SLC22A24: variants seen among roughly 807,000 people sequenced by gnomAD.
SLC22A24 encodes solute carrier family 22 member 24.
Under a neutral mutation model 49.8 loss-of-function variants are expected in SLC22A24, and 53 were observed. The observed-to-expected ratio is 1.06, with a 90% confidence interval of 0.85 to 1.34. The LOEUF (loss-of-function observed/expected upper bound fraction) is 1.34. Ranked by LOEUF, SLC22A24 falls within the 40% of genes most tolerant of loss-of-function variation. The probability of loss-of-function intolerance (pLI) is 0.00; values close to 1 mark genes in which losing one functional copy is unlikely to be tolerated. For missense variants in SLC22A24, 786 were observed against 675.9 expected (o/e 1.16, Z -1.81); for synonymous variants, 302 against 256.4 (o/e 1.18, Z -1.70).
At chr11:63,119,946 T>TCCC (rs2087239560) in intron 2 of SLC22A24, among the ~76,000 whole-genome samples, 1 of 152,038 alleles carries the variant, frequency 6.6e-6, no homozygotes, top group Non-Finnish European at 1.5e-5. Flanking sequence ...TTCATGTCCT[T>TCCC]CGCCCACTTT....
chr11:63,116,406 A>T (rs1251385744), intron 4 of SLC22A24: 1 of 168,754 alleles, frequency 5.9e-6, no homozygotes, highest in Non-Finnish European at 1.3e-5. Flanking sequence ...TTTTTTTTCA[A>T]CACTTTGAAT....
chr11:63,088,683 A>C (rs1015687527), intron 6 of SLC22A24, among the ~76,000 whole-genome samples: 3 of 152,104 alleles, frequency 2.0e-5, no homozygotes, highest in African/African-American at 7.2e-5. Flanking sequence ...ACCTTGATAA[A>C]AGGTTGCAGG....
At chr11:63,098,156 C>A (rs978728217) in intron 5 of SLC22A24, among the ~76,000 whole-genome samples, 6 of 152,028 alleles carry the variant, frequency 3.9e-5, no homozygotes, top group African/African-American at 1.4e-4. Flanking sequence ...AACTAGAATT[C>A]AGTAACAAGA....
Position 63,096,327 on chromosome 11 carries a change from C to A in SLC22A24, c.955-221G>T, listed in dbSNP as rs2087054942. Among the ~76,000 whole-genome samples the A allele has an allele frequency of 2.0e-5, 3 of 151,978 alleles. No individual in the cohort carries two copies. The South Asian group carries it at 6.2e-4, about 32-fold the overall frequency. On this transcript the variant is annotated intron_variant, in intron 5 of 9. Coordinates refer to ENST00000612278, the MANE Select transcript of SLC22A24 (RefSeq NM_001136506.2). ...CAGAGGAATTATATAGGAATAAAAC[C>A]AGGTTAAACACTGAGCCAGTGATAG... is the stretch of plus-strand genomic sequence containing the variant.
chr11:63,100,374 C>T (rs2087083180), intron 5 of SLC22A24, among the ~76,000 whole-genome samples: 1 of 151,894 alleles, frequency 6.6e-6, no homozygotes, highest in African/African-American at 2.4e-5. Flanking sequence ...AGTGAAAGAG[C>T]TCTACAATGA....
chr11:63,110,506 T>C (rs1343143073), intron 4 of SLC22A24, among the ~76,000 whole-genome samples: 5 of 134,146 alleles, frequency 3.7e-5, no homozygotes, highest in Admixed American at 2.4e-4. Flanking sequence ...CATTTGTTTG[T>C]ATCCTCTTTT....
intron 2 of SLC22A24, among the ~76,000 whole-genome samples, chr11:63,124,136 G>A (rs879336371): frequency 2.6e-5 from 4 of 152,102 alleles, no homozygotes; most frequent in African/African-American, 4.8e-5. Context: ...TACATGATGG[G>A]AACCAGCTTG....
In SLC22A24 at chr11:63,143,600, A is replaced by G; in HGVS notation, c.180T>C (p.Ser60=). The change falls in exon 1 of 10, where the codon TCT becomes TCC. Residue 60 remains serine (S), a synonymous_variant. Transcript: ENST00000612278. Reference sequence around the variant, plus strand: ...TGCTGAGGGTCCCGGTATCATTGTCAGACACAGTGTCATTGTCCAGGAGGG... The same window carrying G: ...TGCTGAGGGTCCCGGTATCATTGTCGGACACAGTGTCATTGTCCAGGAGGG... The part of the protein sequence containing the change: ...WVPLLDNDTV[S]DNDTGTLSKD... 3 of 1,577,196 alleles carry G rather than the reference A, an allele frequency of 1.9e-6. No homozygotes were observed. Among genetic ancestry groups the G allele is most frequent in the Non-Finnish European group, 2.6e-6 (3 of 1,163,022 alleles).
chr11:63,113,600 A>C (rs1451329172), intron 4 of SLC22A24, among the ~76,000 whole-genome samples: 1 of 152,184 alleles, frequency 6.6e-6, no homozygotes, highest in South Asian at 2.1e-4. Context: ...TCACACCTGT[A>C]ATCCCAGCAC....
intron 8 of SLC22A24, 112 bp from the exon 9 acceptor site, chr11:63,081,235 G>C (rs1044614745): frequency 1.1e-5 from 10 of 871,454 alleles, no homozygotes; most frequent in Non-Finnish European, 1.8e-5. Flanking sequence ...TAAACACATG[G>C]GCTTTGACAG....
intron 4 of SLC22A24, among the ~76,000 whole-genome samples, chr11:63,109,451 AC>A (rs1307809622): frequency 6.9e-6 from 1 of 144,798 alleles, no homozygotes; most frequent in Non-Finnish European, 1.5e-5. Context: ...GAACTAGTTT[AC>A]AGTCCCACCA....
chr11:63,118,800 A>G (rs1490731824), intron 4 of SLC22A24, 112 bp downstream of exon 4: 1 of 1,116,524 alleles, frequency 9.0e-7, no homozygotes, highest in Non-Finnish European at 1.3e-6. Flanking sequence ...TACTATGGAC[A>G]TCATGGCTCA....
At chr11:63,093,557 C>T (rs2087033928) in intron 6 of SLC22A24, among the ~76,000 whole-genome samples, 1 of 152,034 alleles carries the variant, frequency 6.6e-6, no homozygotes, top group Non-Finnish European at 1.5e-5. Flanking sequence ...ATGGGTGGGG[C>T]TGGAGGTTAT....
rs1257783400 is a variant in SLC22A24, at chr11:63,120,301, T to C, written c.507-966A>G. Among the ~76,000 whole-genome samples the C allele has an allele frequency of 3.2e-5, 3 of 92,828 alleles. No homozygotes were observed. In the South Asian group the frequency reaches 1.2e-3, roughly 36 times the overall value. 60.9% of individuals were successfully genotyped at this position (92,828 alleles called of 152,430 possible). A position where few individuals can be genotyped will look rare whatever the true frequency, so the allele number is the denominator to read the frequency against. ...GGGAATATCACACTCTGGGGACTGT[T>C]GTGGGGTGGGGGGAGGGGGGAGGGA... On this transcript the variant is annotated intron_variant, in intron 2 of 9. Transcript: ENST00000612278.
At chr11:63,138,351 G>A (rs981807441) in intron 1 of SLC22A24, among the ~76,000 whole-genome samples, 3 of 152,020 alleles carry the variant, frequency 2.0e-5, no homozygotes, top group African/African-American at 7.2e-5. Flanking sequence ...CTTGAAATTG[G>A]CTTCTGAGGC....
At chr11:63,113,127 C>CATATATATATACAT (rs1565332171) in intron 4 of SLC22A24, among the ~76,000 whole-genome samples, 1 of 7,536 alleles carries the variant, frequency 1.3e-4, no homozygotes, top group African/African-American at 3.8e-4. Context: ...TATATATATA[C>CATATATATATACAT]ATATATATAT....
At chr11:63,106,039 T>C (rs1287315834) in intron 4 of SLC22A24, among the ~76,000 whole-genome samples, 1 of 151,776 alleles carries the variant, frequency 6.6e-6, no homozygotes, top group African/African-American at 2.4e-5. Context: ...CATTAACTCG[T>C]CATTTAGCAT....
chr11:63,104,348 C>T, intron 4 of SLC22A24, 50 bp from the exon 5 acceptor site: 2 of 1,497,014 alleles, frequency 1.3e-6, no homozygotes, highest in East Asian at 2.5e-5. Context: ...TTATTTGGCA[C>T]TTAACCTTTA....
At position 63,104,270 on chromosome 11, in the gene SLC22A24, TC is replaced by T. The variant is rs1437386048; in HGVS notation, c.858del (p.Ile287LeufsTer6). 4.5e-6 allele frequency: 7 copies of T among 1,550,336 alleles called. No individual in the cohort carries two copies. The highest frequency in any genetic ancestry group is 6.1e-6 in the Non-Finnish European group (7 of 1,146,832). ...SWKMVESARWLIINNQLDEGL... is the reference protein window; with the variant it reads ...SWKMVESARWXIINNQLDEGL... ...CCCTCATCTAGCTGATTGTTGATAA[TC>T]AGCCACCGAGCAGACTCCACCATCT... On this transcript the variant is annotated frameshift_variant, in exon 5 of 10. Coordinates refer to ENST00000612278, the MANE Select transcript of SLC22A24 (RefSeq NM_001136506.2). LOFTEE classifies it high-confidence loss of function.
Sources: gnomAD v4.1 joint callset for allele counts (sites outside exome capture counted in the v4.1 genomes callset) on GRCh38, gnomAD v4.1.1 for gene constraint, MANE v1.5 for transcripts, NCBI Gene and HGNC (gene_info 2026-07-23, HGNC 2026-07-21) for gene names.